The following ROBO1 variants were observed in gnomAD, a reference collection of about 807,000 sequenced individuals.
The protein encoded by ROBO1 is roundabout guidance receptor 1.
A neutral mutation model predicts 195.9 loss-of-function variants in ROBO1; 149 were observed. That is an observed-to-expected ratio of 0.76 (90% confidence interval 0.67 to 0.87). The LOEUF (loss-of-function observed/expected upper bound fraction) is 0.87. ROBO1 is among the 40% of genes least tolerant of loss of function. The pLI is 0.00. For missense variants in ROBO1, 1,933 were observed against 2,068.3 expected, an observed-to-expected ratio of 0.93 and a Z score of 1.27; for synonymous variants, 816 against 733.2, an observed-to-expected ratio of 1.11 and a Z score of -1.82.
intron 3 of ROBO1, among the ~76,000 whole-genome samples, chr3:79,007,290 T>C (rs1292663305): frequency 1.3e-5 from 2 of 152,172 alleles, no homozygotes; most frequent in Non-Finnish European, 1.5e-5. Flanking sequence ...TAGCTTAATA[T>C]GCAGACAAGT....
rs137992299 is a variant in ROBO1 at position 78,846,554 on chromosome 3, T to C, written c.499+92047A>G. On this transcript the variant is annotated intron_variant, in intron 4 of 30. Transcript: ENST00000464233. Reference sequence around the variant, plus strand: ...TATCAGAAAAAAGCATTTAAGCCTATTGAAAATATCACTTTATAAATAGAA... The same window carrying C: ...TATCAGAAAAAAGCATTTAAGCCTACTGAAAATATCACTTTATAAATAGAA... Among the ~76,000 whole-genome samples the C allele has an allele frequency of 3.0e-4, 45 of 152,248 alleles. 1 individual carries two copies. In the East Asian group the frequency reaches 8.5e-3, roughly 29 times the overall value.
chr3:79,696,239 AT>A (rs1441975160), intron 1 of ROBO1, among the ~76,000 whole-genome samples: 1 of 151,394 alleles, frequency 6.6e-6, no homozygotes, highest in Non-Finnish European at 1.5e-5. Flanking sequence ...AAGTTCTTGC[AT>A]ATTTAATTTC....
In ROBO1 at chr3:78,922,031, GC is replaced by G. The variant is rs2038963451; in HGVS notation, c.499+16569del. ...TCTTATTTAGTAGATCATGAGGTCTGCCCACCTCGGCCTCCCAAAGTGCTGG... is the reference window on the plus strand; with the variant it reads ...TCTTATTTAGTAGATCATGAGGTCTGCCACCTCGGCCTCCCAAAGTGCTGG... On this transcript the variant is annotated intron_variant, in intron 4 of 30. Coordinates refer to ENST00000464233, the MANE Select transcript of ROBO1 (RefSeq NM_002941.4). Among the ~76,000 whole-genome samples, 3 of 152,002 alleles carry G rather than the reference GC, an allele frequency of 2.0e-5. No homozygotes were observed. In the South Asian group the frequency reaches 6.3e-4, roughly 32 times the overall value.
At chr3:79,722,941 T>C (rs1702765977) in intron 1 of ROBO1, among the ~76,000 whole-genome samples, 1 of 152,202 alleles carries the variant, frequency 6.6e-6, no homozygotes, top group Non-Finnish European at 1.5e-5. Flanking sequence ...TCCTCACAGG[T>C]ACTGCTCAAC....
chr3:78,703,757 T>C (rs1231841736), intron 8 of ROBO1, among the ~76,000 whole-genome samples: 1 of 151,794 alleles, frequency 6.6e-6, no homozygotes, highest in Non-Finnish European at 1.5e-5. Flanking sequence ...TATGTGTGTA[T>C]ATACATATAT....
At chr3:79,342,537 T>G (rs1248216862) in intron 2 of ROBO1, among the ~76,000 whole-genome samples, 1 of 152,182 alleles carries the variant, frequency 6.6e-6, no homozygotes, top group Non-Finnish European at 1.5e-5. Flanking sequence ...ATACTTTCAG[T>G]GTGATGACTG....
At chr3:79,598,756 T>A (rs1387077321) in intron 1 of ROBO1, among the ~76,000 whole-genome samples, 1 of 151,800 alleles carries the variant, frequency 6.6e-6, no homozygotes, top group African/African-American at 2.4e-5. Context: ...TACTACAACC[T>A]CAGCTGGTGC....
intron 4 of ROBO1, among the ~76,000 whole-genome samples, chr3:78,927,813 G>A (rs1576414109): frequency 6.6e-6 from 1 of 152,134 alleles, no homozygotes; most frequent in Non-Finnish European, 1.5e-5. Flanking sequence ...TAACCCAGGA[G>A]AAAGAAAGAT....
intron 2 of ROBO1, among the ~76,000 whole-genome samples, chr3:79,576,405 C>T (rs907165442): frequency 5.3e-4 from 81 of 151,872 alleles, no homozygotes; most frequent in Admixed American, 9.8e-4. Context: ...CCAGTATATA[C>T]GTTTTAAAAG....
In ROBO1 at chr3:78,618,005, C is replaced by G. The variant is rs748745469; in HGVS notation, c.3912G>C (p.Pro1304=). 1.2e-6 allele frequency: 2 copies of G among 1,613,410 alleles called. No homozygotes were observed. The highest frequency in any genetic ancestry group is 1.7e-5 in the Admixed American group (1 of 59,970). The change falls in exon 27 of 31, where the codon CCG becomes CCC. Residue 1304 remains proline, a synonymous_variant. Transcript: ENST00000464233. ...QPVSPPPPPR[P]ISPPHTYGYI... ...AGCCATAGGTATGTGGAGGGGAGAT[C>G]GGCCGTGGTGGTGGAGGAGGACTCA...
In ROBO1 at chr3:79,499,482, A is replaced by G. The variant is rs184223427; in HGVS notation, c.88+90342T>C. Among the ~76,000 whole-genome samples the G allele has an allele frequency of 1.5e-3, 230 of 152,318 alleles. 1 individual carries two copies. Among genetic ancestry groups the G allele is most frequent in the Middle Eastern group, 3.4e-3 (1 of 294 alleles). ...AGGCTATTTTTGTTATTTCTTATAA[A>G]TATTTCAATTTCATATTTTACATTG... On this transcript the variant is annotated intron_variant, in intron 2 of 30. Coordinates refer to ENST00000464233, the MANE Select transcript of ROBO1 (RefSeq NM_002941.4).
At chr3:79,237,887 A>C (rs2082442639) in intron 2 of ROBO1, among the ~76,000 whole-genome samples, 1 of 152,214 alleles carries the variant, frequency 6.6e-6, no homozygotes, top group Admixed American at 6.5e-5. Context: ...AGGAACACTC[A>C]GCAGCTCATA....
chr3:79,273,424 A>C (rs2030748334), intron 2 of ROBO1, among the ~76,000 whole-genome samples: 1 of 152,088 alleles, frequency 6.6e-6, no homozygotes, highest in African/African-American at 2.4e-5. Flanking sequence ...TCATGCAATA[A>C]ATGTTAAGTT....
chr3:79,013,353 T>C (rs2077835777), intron 3 of ROBO1, among the ~76,000 whole-genome samples: 1 of 152,218 alleles, frequency 6.6e-6, no homozygotes, highest in African/African-American at 2.4e-5. Context: ...TTCAGTCTCC[T>C]CTTTTAAGCA....
In ROBO1 at chr3:79,495,153, G is replaced by A. The variant is rs190162571; in HGVS notation, c.88+94671C>T. Among the ~76,000 whole-genome samples the A allele has an allele frequency of 3.0e-3, 459 of 152,168 alleles. 1 individual carries two copies. Among genetic ancestry groups the A allele is most frequent in the African/African-American group, 0.011 (437 of 41,536 alleles). On this transcript the variant is annotated intron_variant, in intron 2 of 30. Transcript: ENST00000464233. The stretch of plus-strand genomic sequence containing the variant: ...TATTTAGTAGATGAGTATTTAATAA[G>A]CATTTTTGAACAAATAAATGTAATT...
At chr3:79,141,403 T>C (rs1422616359) in intron 2 of ROBO1, among the ~76,000 whole-genome samples, 1 of 152,148 alleles carries the variant, frequency 6.6e-6, no homozygotes, top group South Asian at 2.1e-4. Context: ...CTAATTGTGC[T>C]TTTGATTATT....
At chr3:79,609,761 A>C (rs145359483) in intron 1 of ROBO1, among the ~76,000 whole-genome samples, 2,327 of 152,012 alleles carry the variant, frequency 0.015, 33 homozygotes, top group Non-Finnish European at 0.023. Flanking sequence ...AAAACGACAA[A>C]TACTCTGATT....
chr3:79,479,515 T>A (rs1000988327), intron 2 of ROBO1, among the ~76,000 whole-genome samples: 2 of 152,116 alleles, frequency 1.3e-5, no homozygotes, highest in African/African-American at 4.8e-5. Flanking sequence ...AGCCCAAGGG[T>A]TGGAGAACCC....
At chr3:78,675,581 A>T (rs1157962186) in intron 10 of ROBO1, among the ~76,000 whole-genome samples, 1 of 152,144 alleles carries the variant, frequency 6.6e-6, no homozygotes, top group African/African-American at 2.4e-5. Flanking sequence ...CAGCAGTCTG[A>T]GATCAAACTG....
Sources: allele counts gnomAD v4.1 joint callset (sites outside exome capture counted in the v4.1 genomes callset), GRCh38; gene constraint gnomAD v4.1.1; transcripts MANE v1.5; gene names NCBI Gene and HGNC (gene_info 2026-07-23, HGNC 2026-07-21).